Variants in CCNJL observed in about 807,000 individuals in gnomAD.
CCNJL encodes cyclin J like.
In CCNJL, 33 loss-of-function variants were observed where a neutral mutation model predicts 33.4. The observed-to-expected ratio is 0.99, with a 90% CI of 0.75 to 1.32. The LOEUF (loss-of-function observed/expected upper bound fraction) is 1.32, where lower values mean the gene tolerates loss of function less well. Ranked by LOEUF, CCNJL falls within the 40% of genes most tolerant of loss-of-function variation. The pLI is 0.00. For synonymous variants in CCNJL, 227 were observed against 220.9 expected, an observed-to-expected ratio of 1.03 and a Z score of -0.24; for missense variants, 512 against 499.7, an observed-to-expected ratio of 1.02 and a Z score of -0.23.
intron 3 of CCNJL, among the ~76,000 whole-genome samples, chr5:160,270,094 T>C (rs978886118): frequency 6.6e-6 from 1 of 151,868 alleles, no homozygotes; most frequent in African/African-American, 2.4e-5. Flanking sequence ...GTGGACTGCT[T>C]GAGCACACAA....
chr5:160,278,423 C>A (rs564282144), intron 3 of CCNJL, among the ~76,000 whole-genome samples: 26 of 152,138 alleles, frequency 1.7e-4, no homozygotes, highest in African/African-American at 6.3e-4. Flanking sequence ...CTTCCCGAGG[C>A]AAGGGGATCC....
rs985144474 is a variant in CCNJL at position 160,252,648 on chromosome 5, T to C, written c.*730A>G. Reference sequence around the variant, plus strand: ...GGGTTCCAAATTAACAGCCCTCATGTGGGACAGGCAGTGTGGCAATTAAAT... The same window carrying C: ...GGGTTCCAAATTAACAGCCCTCATGCGGGACAGGCAGTGTGGCAATTAAAT... On this transcript the variant is annotated 3_prime_UTR_variant, in exon 6 of 6. Coordinates refer to ENST00000257536, the MANE Select transcript of CCNJL (RefSeq NM_001308173.3). 4 of 152,680 alleles carry C rather than the reference T, an allele frequency of 2.6e-5. No individual in the cohort carries two copies. In the East Asian group the frequency reaches 7.7e-4, roughly 29 times the overall value. The allele number at this position is 152,680 out of a possible 1,614,324, so 9.5% of individuals were successfully genotyped here.
At position 160,255,564 on chromosome 5, in the gene CCNJL, A is replaced by G. The variant is rs886810335; in HGVS notation, c.728T>C (p.Ile243Thr). 1 of 1,614,146 alleles carries G rather than the reference A, an allele frequency of 6.2e-7. No individual in the cohort carries two copies. Among genetic ancestry groups the G allele is most frequent in the African/African-American group, 1.3e-5 (1 of 75,070 alleles). Residue 243 changes from isoleucine (I) to threonine (T), a missense_variant, in exon 5 of 6, where the codon ATT becomes ACT. Ile to Thr is a moderately conservative substitution (Grantham distance 89). Transcript: ENST00000257536. ...AGAAACTTACACCAGCAGGATTTCA[A>G]TACACGTGCTGAGGTGCTCCAGGGA... ...SYSLEHLSTC[I>T]EILLVVYDNV...
intron 2 of CCNJL, among the ~76,000 whole-genome samples, chr5:160,309,498 C>T (rs920585322): frequency 6.6e-6 from 1 of 152,184 alleles, no homozygotes; most frequent in Admixed American, 6.5e-5. Context: ...CTACTGTGTG[C>T]CACGCTCTTG....
intron 3 of CCNJL, chr5:160,274,899 T>TA (rs1761957798): frequency 1.3e-5 from 2 of 151,920 alleles, no homozygotes; most frequent in Admixed American, 1.3e-4. Context: ...ACAGAAAAAG[T>TA]ACGATGGAAT....
chr5:160,335,751 T>TAAA (rs1561816559), intron 1 of CCNJL, among the ~76,000 whole-genome samples: 13 of 142,466 alleles, frequency 9.1e-5, no homozygotes, highest in African/African-American at 3.7e-4. Context: ...TTTTTGAAAT[T>TAAA]TTTTTTTTTT....
At chr5:160,266,280 A>AGC (rs1761582672) in intron 3 of CCNJL, among the ~76,000 whole-genome samples, 2 of 152,256 alleles carry the variant, frequency 1.3e-5, no homozygotes, top group Non-Finnish European at 2.9e-5. Flanking sequence ...AAGGGAGGCC[A>AGC]GTGTCCCAGG....
At position 160,253,258 on chromosome 5, in the gene CCNJL, C is replaced by T; in HGVS notation, c.*120G>A. 1 of 928,924 alleles carries T rather than the reference C, an allele frequency of 1.1e-6. No homozygotes were observed. The highest frequency in any genetic ancestry group is 1.6e-6 in the Non-Finnish European group (1 of 634,616). The allele number at this position is 928,924 out of a possible 1,614,324, so 57.5% of individuals were successfully genotyped here. A position where few individuals can be genotyped will look rare whatever the true frequency, so the allele number is the denominator to read the frequency against. ...TTTATTTAAAAGGAGCACAGACCCT[C>T]CACGTTCCAAGGCTCTTCAGGGATG... On this transcript the variant is annotated 3_prime_UTR_variant, in exon 6 of 6. Transcript: ENST00000257536.
chr5:160,279,604 G>A (rs1279507792), intron 3 of CCNJL, among the ~76,000 whole-genome samples: 1 of 152,214 alleles, frequency 6.6e-6, no homozygotes, highest in Non-Finnish European at 1.5e-5. Flanking sequence ...AGGGCAGTGG[G>A]GGAAGGTTTT....
At chr5:160,290,782 C>T (rs1473344979) in intron 2 of CCNJL, among the ~76,000 whole-genome samples, 1 of 152,018 alleles carries the variant, frequency 6.6e-6, no homozygotes, top group Admixed American at 6.6e-5. Flanking sequence ...ACAAAAACCT[C>T]CATATTTCAG....
At chr5:160,295,389 T>C (rs1762722042) in intron 2 of CCNJL, among the ~76,000 whole-genome samples, 1 of 152,126 alleles carries the variant, frequency 6.6e-6, no homozygotes, top group African/African-American at 2.4e-5. Flanking sequence ...CTCGGGAGGC[T>C]GAGGCAGGAG....
intron 1 of CCNJL, among the ~76,000 whole-genome samples, chr5:160,323,044 C>A (rs1312585674): frequency 6.6e-6 from 1 of 151,960 alleles, no homozygotes; most frequent in Non-Finnish European, 1.5e-5. Flanking sequence ...ACCAGCCTGG[C>A]CAATATGGTG....
chr5:160,315,415 A>G (rs1446891504), upstream of CCNJL: 3 of 448,658 alleles, frequency 6.7e-6, no homozygotes, highest in Non-Finnish European at 1.3e-5. Flanking sequence ...GCTGAAATAG[A>G]AGAATCACTT....
At chr5:160,264,011 T>C (rs1761463242) in intron 3 of CCNJL, among the ~76,000 whole-genome samples, 1 of 149,804 alleles carries the variant, frequency 6.7e-6, no homozygotes, top group African/African-American at 2.5e-5. Flanking sequence ...AGTAGCTCAA[T>C]CTCGGCTCAC....
At chr5:160,254,196 T>C in intron 5 of CCNJL, 1 of 518,076 alleles carries the variant, frequency 1.9e-6, no homozygotes, top group Non-Finnish European at 3.4e-6. Context: ...CACTGGAGTG[T>C]TCCTGGGGCC....
At chr5:160,282,316 T>C (rs137950438) in intron 2 of CCNJL, among the ~76,000 whole-genome samples, 122 of 149,150 alleles carry the variant, frequency 8.2e-4, no homozygotes, top group Admixed American at 2.7e-3. Context: ...TGGAATAAGA[T>C]AGACATAGAC....
chr5:160,258,962 G>C (rs889801709), intron 4 of CCNJL, among the ~76,000 whole-genome samples: 20 of 152,128 alleles, frequency 1.3e-4, no homozygotes, highest in African/African-American at 4.8e-4. Context: ...CCCATTACAG[G>C]TGTGAGCTAC....
chr5:160,277,615 C>T (rs753462690), intron 3 of CCNJL, among the ~76,000 whole-genome samples: 4 of 152,136 alleles, frequency 2.6e-5, no homozygotes, highest in Non-Finnish European at 1.5e-5. Context: ...TGTGGAATGA[C>T]GAAATGCTCT....
At position 160,252,953 on chromosome 5, in the gene CCNJL, G is replaced by A. The variant is rs1021550399; in HGVS notation, c.*425C>T. On this transcript the variant is annotated 3_prime_UTR_variant, in exon 6 of 6. Transcript: ENST00000257536. ...ATATGGGATCCTCCGGGGGTCCTGA[G>A]AACACGCCAGGCTGCCCCTCCTTTT... 1 of 157,388 alleles carries A rather than the reference G, an allele frequency of 6.4e-6. No individual in the cohort carries two copies. Among genetic ancestry groups the A allele is most frequent in the Non-Finnish European group, 1.4e-5 (1 of 71,482 alleles). The allele number at this position is 157,388 out of a possible 1,614,324, so 9.7% of individuals were successfully genotyped here.
Sources: allele counts gnomAD v4.1 joint callset (sites outside exome capture counted in the v4.1 genomes callset), GRCh38; gene constraint gnomAD v4.1.1; transcripts MANE v1.5; gene names NCBI Gene and HGNC (gene_info 2026-07-23, HGNC 2026-07-21).